Variants in ABLIM1 observed in about 807,000 individuals in gnomAD.
ABLIM1 encodes the protein actin-binding LIM protein 1.
Under a neutral mutation model 107.0 loss-of-function variants are expected in ABLIM1, and 40 were observed. That is an observed-to-expected ratio of 0.37 (90% CI 0.29 to 0.49). The LOEUF is 0.49. Among genes scored for constraint, ABLIM1 ranks in the 20% least tolerant of loss-of-function variants. ABLIM1 has a pLI of 0.97. For synonymous variants in ABLIM1, 357 were observed against 357.3 expected, an observed-to-expected ratio of 1.00 and a Z score of 0.01; for missense variants, 857 against 1,008.5, an observed-to-expected ratio of 0.85 and a Z score of 2.04.
chr10:114,539,237 A>G (rs1216137780), intron 6 of ABLIM1, among the ~76,000 whole-genome samples: 1 of 152,164 alleles, frequency 6.6e-6, no homozygotes, highest in Non-Finnish European at 1.5e-5. Flanking sequence ...GTGCACCTGT[A>G]ATACCAGCTA....
At chr10:114,768,390 G>A (rs2082958504), upstream of ABLIM1, among the ~76,000 whole-genome samples, 1 of 150,930 alleles carries the variant, frequency 6.6e-6, no homozygotes, top group African/African-American at 2.4e-5. Flanking sequence ...GCGGGGCTCT[G>A]TCCCCGAGGA....
intron 1 of ABLIM1, among the ~76,000 whole-genome samples, chr10:114,679,793 A>C (rs990572181): frequency 3.3e-5 from 5 of 152,164 alleles, no homozygotes; most frequent in African/African-American, 9.7e-5. Flanking sequence ...AGGCCAGAAA[A>C]ACTCTATACT....
At chr10:114,769,389 G>C (rs189870224), upstream of ABLIM1, among the ~76,000 whole-genome samples, 141 of 111,836 alleles carry the variant, frequency 1.3e-3, no homozygotes, top group Middle Eastern at 5.1e-3. Context: ...AGACAGACAA[G>C]AAAGAAAGAA....
At chr10:114,448,080 C>A in intron 14 of ABLIM1, 60 bp from the exon 15 acceptor site, 1 of 1,603,906 alleles carries the variant, frequency 6.2e-7, no homozygotes, top group Non-Finnish European at 8.5e-7. Context: ...AATGGCGGTA[C>A]AACCCCACTT....
chr10:114,443,897 G>C, intron 17 of ABLIM1, 132 bp downstream of exon 17: 1 of 677,928 alleles, frequency 1.5e-6, no homozygotes, highest in Non-Finnish European at 2.6e-6. Context: ...ATTTGACATG[G>C]AGTGGGTTTC....
chr10:114,650,386 C>A (rs1281672037), intron 1 of ABLIM1, among the ~76,000 whole-genome samples: 2 of 152,130 alleles, frequency 1.3e-5, no homozygotes, highest in East Asian at 3.8e-4. Context: ...CAATGCCAAA[C>A]AATAAACTTA....
the ABLIM1 span, among the ~76,000 whole-genome samples, chr10:114,774,168 T>C: frequency 6.6e-6 from 1 of 152,126 alleles, no homozygotes; most frequent in African/African-American, 2.4e-5. Flanking sequence ...TTGGCCATGA[T>C]GAAGTAATAA....
At chr10:114,781,572 GTA>G in the ABLIM1 span, among the ~76,000 whole-genome samples, 1 of 147,724 alleles carries the variant, frequency 6.8e-6, no homozygotes, top group Admixed American at 6.9e-5. Context: ...GTGTGTGTAT[GTA>G]TATGTGTGTG....
intron 6 of ABLIM1, among the ~76,000 whole-genome samples, chr10:114,509,708 C>T (rs1194231434): frequency 2.6e-5 from 4 of 152,336 alleles, no homozygotes; most frequent in South Asian, 4.1e-4. Flanking sequence ...TCATTGCCTA[C>T]CTGGTATCCA....
At chr10:114,441,151 A>C in intron 18 of ABLIM1, 74 bp from the exon 19 acceptor site, 1 of 1,443,524 alleles carries the variant, frequency 6.9e-7, no homozygotes, top group Non-Finnish European at 9.3e-7. Flanking sequence ...AGGAAGAAAG[A>C]GTTTACAAAA....
intron 1 of ABLIM1, among the ~76,000 whole-genome samples, chr10:114,696,994 T>C (rs577771512): frequency 9.2e-5 from 14 of 152,314 alleles, no homozygotes; most frequent in African/African-American, 3.1e-4. Context: ...CCTAGGGCTA[T>C]GCTGAGGCCT....
chr10:114,480,379 G>A (rs2057154589), intron 8 of ABLIM1, among the ~76,000 whole-genome samples: 1 of 152,190 alleles, frequency 6.6e-6, no homozygotes, highest in African/African-American at 2.4e-5. Flanking sequence ...CCAAAGGTAA[G>A]CTCACTTCTA....
At chr10:114,545,125 C>T in intron 5 of ABLIM1, 27 bp from the exon 6 acceptor site, 1 of 1,609,358 alleles carries the variant, frequency 6.2e-7, no homozygotes, top group South Asian at 1.1e-5. Flanking sequence ...TGTTCGGCTC[C>T]TGAGGAGGTG....
chr10:114,732,209 A>T (rs1184761388), intron 1 of ABLIM1, among the ~76,000 whole-genome samples: 9 of 122,752 alleles, frequency 7.3e-5, no homozygotes, highest in Non-Finnish European at 1.4e-4. Flanking sequence ...TTTGAGACAG[A>T]GTCTCGCTCA....
intron 1 of ABLIM1, among the ~76,000 whole-genome samples, chr10:114,641,265 A>AG (rs2078739139): frequency 6.7e-6 from 1 of 149,546 alleles, no homozygotes; most frequent in African/African-American, 2.5e-5. Flanking sequence ...AAAAAAAAAA[A>AG]AAAAAAAAAA....
rs574356672 is a variant in ABLIM1 at position 114,488,129 on chromosome 10, G to A, written c.983-113C>T. The A allele has an allele frequency of 7.0e-5, 80 of 1,141,256 alleles. 1 individual carries two copies. The highest frequency in any genetic ancestry group is 2.1e-4 in the African/African-American group (14 of 65,490). The allele number at this position is 1,141,256 out of a possible 1,614,324, so 70.7% of individuals were successfully genotyped here. A position where few individuals can be genotyped will look rare whatever the true frequency, so the allele number is the denominator to read the frequency against. On this transcript the variant is annotated intron_variant, in intron 7 of 22. Transcript: ENST00000533213. ...CCCTCTTTCCCCATCATAGGAAGGT[G>A]TTATTGCTTTATGTCCAAGTGAATC...
intron 6 of ABLIM1, among the ~76,000 whole-genome samples, chr10:114,515,519 C>T (rs1270801696): frequency 6.6e-6 from 1 of 152,176 alleles, no homozygotes; most frequent in African/African-American, 2.4e-5. Context: ...TGACGGGATG[C>T]TAATGACATC....
chr10:114,576,961 C>T (rs2072662230), intron 2 of ABLIM1, among the ~76,000 whole-genome samples: 1 of 152,278 alleles, frequency 6.6e-6, no homozygotes. Context: ...CTCTCCTCTG[C>T]CCCCACTGTT....
intron 10 of ABLIM1, among the ~76,000 whole-genome samples, chr10:114,471,723 A>G: frequency 6.6e-6 from 1 of 152,130 alleles, no homozygotes; most frequent in South Asian, 2.1e-4. Context: ...TACATCTGGA[A>G]TTGAGAACAA....
Sources: allele counts gnomAD v4.1 joint callset (sites outside exome capture counted in the v4.1 genomes callset), GRCh38; gene constraint gnomAD v4.1.1; transcripts MANE v1.5; gene names NCBI Gene and HGNC (gene_info 2026-07-23, HGNC 2026-07-21).